The following FAM193A variants were observed in gnomAD, a reference collection of about 807,000 sequenced individuals.
The protein encoded by FAM193A is family with sequence similarity 193 member A.
In FAM193A, 22 loss-of-function variants were observed where a neutral mutation model predicts 126.5. That is an observed-to-expected ratio of 0.17 (90% CI 0.12 to 0.25). The LOEUF is 0.25. Ranked by LOEUF, FAM193A falls within the 10% of genes least tolerant of loss-of-function variation. The pLI, the probability that FAM193A is intolerant of heterozygous loss-of-function variation, is 1.00. For synonymous variants in FAM193A, 761 were observed against 646.8 expected (o/e 1.18, Z -2.68); for missense variants, 1,675 against 1,672.8 (o/e 1.00, Z -0.02).
At chr4:2,706,364 T>A (rs928848405) in intron 19 of FAM193A, among the ~76,000 whole-genome samples, 1 of 147,400 alleles carries the variant, frequency 6.8e-6, no homozygotes, top group Non-Finnish European at 1.5e-5. Flanking sequence ...TGGCATGATC[T>A]CAGCTCACTG....
At chr4:2,655,906 G>A (rs1233263007) in intron 7 of FAM193A, among the ~76,000 whole-genome samples, 4 of 152,142 alleles carry the variant, frequency 2.6e-5, no homozygotes, top group African/African-American at 9.7e-5. Context: ...TCCAGCCTTG[G>A]TGACAGAGCA....
intron 5 of FAM193A, 144 bp downstream of exon 5, chr4:2,631,313 A>G: frequency 1.5e-6 from 1 of 687,960 alleles, no homozygotes; most frequent in Non-Finnish European, 2.4e-6. Flanking sequence ...ACGGGAGAGG[A>G]CCTGTTTCCT....
intron 13 of FAM193A, among the ~76,000 whole-genome samples, chr4:2,687,435 T>G (rs1042249660): frequency 2.0e-5 from 3 of 152,136 alleles, no homozygotes; most frequent in African/African-American, 7.2e-5. Context: ...TTGAGTGATT[T>G]GCCTGAGGTC....
intron 1 of FAM193A, among the ~76,000 whole-genome samples, chr4:2,547,427 C>G (rs918181582): frequency 6.6e-6 from 1 of 151,796 alleles, no homozygotes; most frequent in Non-Finnish European, 1.5e-5. Context: ...AATAATAATT[C>G]TTTTTGTGGA....
chr4:2,599,108 G>C (rs1741042169), intron 2 of FAM193A, among the ~76,000 whole-genome samples: 1 of 152,222 alleles, frequency 6.6e-6, no homozygotes, highest in Non-Finnish European at 1.5e-5. Flanking sequence ...GGAGACTTGG[G>C]TGCAGGTCTC....
At chr4:2,663,834 G>C (rs1192097981) in intron 12 of FAM193A, among the ~76,000 whole-genome samples, 2 of 152,214 alleles carry the variant, frequency 1.3e-5, no homozygotes, top group Non-Finnish European at 2.9e-5. Flanking sequence ...GGGCATGGTG[G>C]TGGGCACCTA....
chr4:2,586,691 T>C (rs1406945751), intron 1 of FAM193A, among the ~76,000 whole-genome samples: 1 of 152,248 alleles, frequency 6.6e-6, no homozygotes, highest in Non-Finnish European at 1.5e-5. Flanking sequence ...TCTTGCTCTG[T>C]TGCCCAGGCT....
At chr4:2,553,431 A>G (rs1738068212) in intron 1 of FAM193A, among the ~76,000 whole-genome samples, 2 of 141,330 alleles carry the variant, frequency 1.4e-5, no homozygotes, top group South Asian at 4.4e-4. Flanking sequence ...GCCAGGTTAG[A>G]GTGCAGTGGT....
chr4:2,638,123 A>T (rs932694827), intron 5 of FAM193A, among the ~76,000 whole-genome samples: 2 of 152,238 alleles, frequency 1.3e-5, no homozygotes, highest in Non-Finnish European at 2.9e-5. Flanking sequence ...CAGCTCTTCC[A>T]GGAGGCCCCT....
intron 7 of FAM193A, among the ~76,000 whole-genome samples, chr4:2,649,637 A>C (rs1490893432): frequency 6.6e-6 from 1 of 152,108 alleles, no homozygotes; most frequent in Non-Finnish European, 1.5e-5. Context: ...ATGCCACCAC[A>C]CTCCATCCTG....
Position 2,700,188 on chromosome 4 carries a change from A to G in FAM193A, c.4016A>G (p.Lys1339Arg), listed in dbSNP as rs1192182289. The G allele has an allele frequency of 6.2e-7, 1 of 1,613,836 alleles. No individual in the cohort carries two copies. The highest frequency in any genetic ancestry group is 8.5e-7 in the Non-Finnish European group (1 of 1,180,000). The change falls in exon 19 of 21, where the codon AAG becomes AGG. Residue 1339 changes from lysine to arginine, a missense_variant. Lys to Arg is a conservative substitution (Grantham distance 26). This residue lies in a region of FAM193A where 415 missense variants were observed against 396.7 expected (regional missense o/e 1.05). Transcript: ENST00000637812. ...CATAAAGAAGGAAATGGCAAGCAGA[A>G]GCTGAGGCAGACCAGCAAGGCCAGC... The part of the protein sequence containing the change: ...QHHKEGNGKQ[K>R]LRQTSKASSE...
At chr4:2,692,679 C>G (rs941097324) in intron 15 of FAM193A, among the ~76,000 whole-genome samples, 2 of 152,068 alleles carry the variant, frequency 1.3e-5, no homozygotes, top group Non-Finnish European at 2.9e-5. Flanking sequence ...AATGTTAAGT[C>G]TTGTGAAAAG....
intron 5 of FAM193A, among the ~76,000 whole-genome samples, chr4:2,636,310 G>A (rs1373175138): frequency 6.6e-6 from 1 of 152,092 alleles, no homozygotes; most frequent in South Asian, 2.1e-4. Flanking sequence ...TGATTCGCCT[G>A]CCTTAGCCTC....
rs142263344 is a variant in FAM193A, at chr4:2,646,729, G to A, written c.1208G>A (p.Ser403Asn). ...GACACCTGCAGTGAGGACACATACA[G>A]TACCTTGCTGCAGAGGTACCAGCGT... ...THDTCSEDTY[S>N]TLLQRYQRSE... is the part of the protein sequence containing the mutation. Residue 403 changes from serine (S) to asparagine (N), a missense_variant, in exon 7 of 21, where the codon AGT becomes AAT. By Grantham distance (46) the Ser-to-Asn change is conservative (BLOSUM62 1). Coordinates refer to ENST00000637812, the MANE Select transcript of FAM193A (RefSeq NM_001366318.2). 16 of 1,613,944 alleles carry A rather than the reference G, an allele frequency of 9.9e-6. No individual in the cohort carries two copies. The highest frequency in any genetic ancestry group is 6.7e-5 in the East Asian group (3 of 44,886).
At chr4:2,569,501 TAAAAC>T (rs910384330) in intron 1 of FAM193A, among the ~76,000 whole-genome samples, 12 of 152,174 alleles carry the variant, frequency 7.9e-5, no homozygotes, top group Non-Finnish European at 1.0e-4. Context: ...TTATTATTAT[TAAAAC>T]AAATTCTTTT....
At chr4:2,715,466 T>C in intron 19 of FAM193A, 1 of 984,728 alleles carries the variant, frequency 1.0e-6, no homozygotes, top group Middle Eastern at 5.2e-4. Context: ...GAAAAAAGTT[T>C]TTGATGAAAT....
At chr4:2,539,013 C>CTCAA (rs1248435356) in intron 1 of FAM193A, among the ~76,000 whole-genome samples, 5 of 152,072 alleles carry the variant, frequency 3.3e-5, no homozygotes, top group Admixed American at 2.6e-4. Flanking sequence ...GCCTAACCCT[C>CTCAA]TCAAGTAGCT....
chr4:2,666,944 G>T (rs1184864250), intron 12 of FAM193A, among the ~76,000 whole-genome samples: 1 of 152,144 alleles, frequency 6.6e-6, no homozygotes, highest in Non-Finnish European at 1.5e-5. Flanking sequence ...TGTGTCATTG[G>T]TTTCCATTCT....
intron 20 of FAM193A, chr4:2,719,941 C>T: frequency 6.4e-6 from 2 of 310,942 alleles, no homozygotes; most frequent in South Asian, 2.4e-5. Context: ...CAGGCACATG[C>T]ACCATGCCTG....
Sources: gnomAD v4.1 joint callset for allele counts (sites outside exome capture counted in the v4.1 genomes callset) on GRCh38, gnomAD v4.1.1 for gene constraint, gnomAD v4.1.1 regional missense constraint, MANE v1.5 for transcripts, NCBI Gene and HGNC (gene_info 2026-07-23, HGNC 2026-07-21) for gene names.